The following FHIP1A variants were observed in gnomAD, a reference collection of about 807,000 sequenced individuals.
FHIP1A encodes the protein FHF complex subunit HOOK-interacting protein 1A.
A neutral mutation model predicts 88.6 loss-of-function variants in FHIP1A; 61 were observed. The ratio of observed to expected loss-of-function variants is 0.69; its 90% confidence interval spans 0.56 to 0.85. The LOEUF (loss-of-function observed/expected upper bound fraction) is 0.85, where lower values mean the gene tolerates loss of function less well. Among genes scored for constraint, FHIP1A ranks in the 40% least tolerant of loss-of-function variants. FHIP1A has a pLI of 0.00. For missense variants in FHIP1A, 1,154 were observed against 1,273.5 expected (o/e 0.91, Z 1.43); for synonymous variants, 478 against 496.0 (o/e 0.96, Z 0.48).
At chr4:151,410,919 C>T (rs1168951512) in intron 1 of FHIP1A, among the ~76,000 whole-genome samples, 1 of 152,172 alleles carries the variant, frequency 6.6e-6, no homozygotes, top group African/African-American at 2.4e-5. Flanking sequence ...TATCATTTGT[C>T]CTGTAGGACA....
intron 3 of FHIP1A, among the ~76,000 whole-genome samples, chr4:151,506,117 T>TCACTGCGTTGCCCAGGCTGGC (rs1371327005): frequency 1.3e-5 from 2 of 152,126 alleles, no homozygotes; most frequent in African/African-American, 4.8e-5. Context: ...GGTGGGTGTC[T>TCACTGCGTTGCCCAGGCTGGC]CACTGCGTTG....
intron 3 of FHIP1A, among the ~76,000 whole-genome samples, chr4:151,542,886 A>G (rs989923134): frequency 2.6e-5 from 4 of 152,228 alleles, no homozygotes; most frequent in East Asian, 1.9e-4. Context: ...TTTCTCATCT[A>G]TAAATTGGGC....
At chr4:151,485,982 C>T (rs978379184) in intron 3 of FHIP1A, among the ~76,000 whole-genome samples, 8 of 152,118 alleles carry the variant, frequency 5.3e-5, no homozygotes, top group East Asian at 1.9e-4. Context: ...CCATGGATGA[C>T]GGGGATGGCG....
At chr4:151,412,251 C>T (rs980211270) in intron 1 of FHIP1A, among the ~76,000 whole-genome samples, 43 of 152,210 alleles carry the variant, frequency 2.8e-4, no homozygotes, top group Admixed American at 1.6e-3. Context: ...TACAGGTGCC[C>T]ACCACCATGC....
At chr4:151,417,200 G>A (rs970173790) in intron 1 of FHIP1A, among the ~76,000 whole-genome samples, 1 of 152,158 alleles carries the variant, frequency 6.6e-6, no homozygotes, top group Admixed American at 6.5e-5. Flanking sequence ...GAGCAGGCCC[G>A]AGCAAGCAGC....
chr4:151,572,393 G>A (rs1434985362), intron 4 of FHIP1A, among the ~76,000 whole-genome samples: 1 of 152,098 alleles, frequency 6.6e-6, no homozygotes, highest in African/African-American at 2.4e-5. Context: ...ATTTAGGCAA[G>A]CCTCTGGAGC....
At chr4:151,607,812 AC>A (rs1423590225) in intron 7 of FHIP1A, among the ~76,000 whole-genome samples, 4 of 152,026 alleles carry the variant, frequency 2.6e-5, no homozygotes, top group African/African-American at 9.7e-5. Flanking sequence ...AATACATACT[AC>A]CTATTATTAC....
intron 3 of FHIP1A, among the ~76,000 whole-genome samples, chr4:151,548,190 A>C (rs1245650709): frequency 6.6e-6 from 1 of 152,184 alleles, no homozygotes; most frequent in African/African-American, 2.4e-5. Context: ...GGTTCATGCC[A>C]GCACCAGCAC....
chr4:151,464,397 C>A (rs1251714002), intron 2 of FHIP1A, among the ~76,000 whole-genome samples: 1 of 152,188 alleles, frequency 6.6e-6, no homozygotes, highest in African/African-American at 2.4e-5. Context: ...GAGAGGAACA[C>A]AGATGAAAGG....
chr4:151,446,143 C>A (rs905454958), intron 1 of FHIP1A, among the ~76,000 whole-genome samples: 1 of 151,794 alleles, frequency 6.6e-6, no homozygotes, highest in Non-Finnish European at 1.5e-5. Context: ...CTGTGGCTCC[C>A]CATCTTGGAC....
rs1387152201 is a variant in FHIP1A, at chr4:151,668,424, A to G, written c.*5670A>G. Among the ~76,000 whole-genome samples the G allele has an allele frequency of 6.6e-6, 1 of 152,216 alleles. No homozygotes were observed. Among genetic ancestry groups the G allele is most frequent in the Non-Finnish European group, 1.5e-5 (1 of 68,044 alleles). On this transcript the variant is annotated 3_prime_UTR_variant, in exon 14 of 14. Transcript: ENST00000435205. ...CTTTCCGAAACTTCGAGGCCATCTT[A>G]GTAATTATTTTAGCAATAATTACTA...
chr4:151,650,736 G>T, intron 11 of FHIP1A, 144 bp downstream of exon 11: 1 of 1,074,402 alleles, frequency 9.3e-7, no homozygotes, highest in Non-Finnish European at 1.3e-6. Context: ...GATCAAAGAG[G>T]GGTGGCTTTA....
chr4:151,567,070 AT>A (rs1001696566), intron 4 of FHIP1A, among the ~76,000 whole-genome samples: 1 of 152,002 alleles, frequency 6.6e-6, no homozygotes, highest in Non-Finnish European at 1.5e-5. Context: ...TGATTATAAA[AT>A]TTTTTTTGAT....
chr4:151,578,749 T>G (rs1216504942), intron 5 of FHIP1A, among the ~76,000 whole-genome samples: 1 of 152,220 alleles, frequency 6.6e-6, no homozygotes, highest in African/African-American at 2.4e-5. Context: ...TCCTTGATAT[T>G]TACCTAAAGG....
intron 7 of FHIP1A, among the ~76,000 whole-genome samples, chr4:151,604,040 T>A (rs1734975855): frequency 6.6e-6 from 1 of 152,168 alleles, no homozygotes; most frequent in Non-Finnish European, 1.5e-5. Context: ...ACATGCTGTG[T>A]CACAGCCCTG....
chr4:151,418,524 A>C (rs1732986808), intron 1 of FHIP1A, among the ~76,000 whole-genome samples: 1 of 152,210 alleles, frequency 6.6e-6, no homozygotes, highest in Non-Finnish European at 1.5e-5. Flanking sequence ...ATTCCTTCAC[A>C]GTGAATCACA....
intron 9 of FHIP1A, among the ~76,000 whole-genome samples, chr4:151,643,254 T>G (rs1578854101): frequency 6.6e-6 from 1 of 152,328 alleles, no homozygotes; most frequent in Middle Eastern, 3.4e-3. Context: ...TCTGTTTTTC[T>G]ATTCTTTCTT....
intron 7 of FHIP1A, among the ~76,000 whole-genome samples, chr4:151,591,928 C>T (rs985408611): frequency 7.2e-5 from 11 of 152,074 alleles, no homozygotes; most frequent in African/African-American, 1.7e-4. Context: ...AATATATATA[C>T]GTATGCATGT....
At chr4:151,547,025 A>G (rs1732533068) in intron 3 of FHIP1A, among the ~76,000 whole-genome samples, 1 of 152,106 alleles carries the variant, frequency 6.6e-6, no homozygotes, top group Non-Finnish European at 1.5e-5. Context: ...ACTGCATGGC[A>G]GTTTTTTCTC....
Sources: allele counts gnomAD v4.1 joint callset (sites outside exome capture counted in the v4.1 genomes callset), GRCh38; gene constraint gnomAD v4.1.1; transcripts MANE v1.5; gene names NCBI Gene and HGNC (gene_info 2026-07-23, HGNC 2026-07-21).